Variants in ITSN2 observed in about 807,000 individuals in gnomAD.
ITSN2 encodes the protein intersectin-2.
A neutral mutation model predicts 243.7 loss-of-function variants in ITSN2; 156 were observed. That is an observed-to-expected ratio of 0.64 (90% CI 0.56 to 0.73). ITSN2 has a LOEUF of 0.73. Among genes scored for constraint, ITSN2 ranks in the 30% least tolerant of loss-of-function variants. The probability of loss-of-function intolerance (pLI) is 0.00; values close to 1 mark genes in which losing one functional copy is unlikely to be tolerated. For missense variants in ITSN2, 1,801 were observed against 1,996.1 expected, an observed-to-expected ratio of 0.90 and a Z score of 1.86; for synonymous variants, 703 against 699.9, an observed-to-expected ratio of 1.00 and a Z score of -0.07.
In ITSN2 at chr2:24,355,910, A is replaced by T. The variant is rs577814478; in HGVS notation, c.-34+4394T>A. 4.2e-3 allele frequency among the ~76,000 whole-genome samples: 638 copies of T among 152,134 alleles called. 6 individuals are homozygous for T. The South Asian group carries it at 0.051, about 12-fold the overall frequency. ...TGAAACCCTGTCTCTATTTTTAAAAAATTACAAAAAGGCCAGGCATAGTGG... is the reference window on the plus strand; with the variant it reads ...TGAAACCCTGTCTCTATTTTTAAAATATTACAAAAAGGCCAGGCATAGTGG... On this transcript the variant is annotated intron_variant, in intron 1 of 39. Transcript: ENST00000355123.
chr2:24,264,930 C>CA (rs151096868), intron 20 of ITSN2, among the ~76,000 whole-genome samples: 31,180 of 136,880 alleles, frequency 0.23, 3,446 homozygotes, highest in Non-Finnish European at 0.28. Context: ...CAAAAAGAAA[C>CA]AAAAAAAAAA....
At chr2:24,326,804 T>C (rs1210063794) in intron 2 of ITSN2, 3 of 168,896 alleles carry the variant, frequency 1.8e-5, no homozygotes, top group South Asian at 4.1e-4. Flanking sequence ...CTCCAAGATT[T>C]TCCTAAATCC....
chr2:24,338,213 C>G (rs1686669242), intron 1 of ITSN2, among the ~76,000 whole-genome samples: 1 of 152,204 alleles, frequency 6.6e-6, no homozygotes, highest in Non-Finnish European at 1.5e-5. Flanking sequence ...AACCTCTTAT[C>G]AACATAACCC....
chr2:24,321,208 CTGAGGTTTT>C (rs1022422686), intron 2 of ITSN2, among the ~76,000 whole-genome samples: 4 of 152,190 alleles, frequency 2.6e-5, no homozygotes, highest in Admixed American at 6.5e-5. Context: ...CGCCAGCTCT[CTGAGGTTTT>C]TGTAAAGCTC....
chr2:24,351,403 TC>T (rs1187014520), intron 1 of ITSN2, among the ~76,000 whole-genome samples: 2 of 152,202 alleles, frequency 1.3e-5, no homozygotes, highest in Non-Finnish European at 1.5e-5. Context: ...TAGCATTCTT[TC>T]AACTGCACAG....
intron 27 of ITSN2, 138 bp downstream of exon 27, chr2:24,248,491 G>A: frequency 3.4e-6 from 2 of 589,114 alleles, no homozygotes; most frequent in Non-Finnish European, 5.7e-6. Flanking sequence ...GAAATATAAT[G>A]CAGTAAAATA....
intron 32 of ITSN2, among the ~76,000 whole-genome samples, chr2:24,213,056 T>G (rs1179160305): frequency 6.6e-6 from 1 of 152,166 alleles, no homozygotes. Context: ...ACAGTAGGAA[T>G]ATCTCAGCTC....
chr2:24,254,464 C>T, intron 23 of ITSN2, 33 bp from the exon 24 acceptor site: 1 of 1,532,338 alleles, frequency 6.5e-7, no homozygotes, highest in Non-Finnish European at 9.0e-7. Context: ...AACAAACAAA[C>T]AAACAAATAC....
At chr2:24,338,987 T>C (rs959385197) in intron 1 of ITSN2, among the ~76,000 whole-genome samples, 2 of 152,084 alleles carry the variant, frequency 1.3e-5, no homozygotes, top group Non-Finnish European at 2.9e-5. Context: ...GCAAACTGAG[T>C]GAACTCCAAG....
chr2:24,261,701 AC>A lies in ITSN2; in HGVS notation c.2396del (p.Gly799ValfsTer15). 1 of 1,613,642 alleles carries A rather than the reference AC, an allele frequency of 6.2e-7. No individual in the cohort carries two copies. The highest frequency in any genetic ancestry group is 8.5e-7 in the Non-Finnish European group (1 of 1,179,750). On this transcript the variant is annotated frameshift_variant, in exon 21 of 40. Transcript: ENST00000355123. LOFTEE classifies it high-confidence loss of function. ...KTVGEPGWLY[G>X]SFQGNFGWFP... ...ACCAGCCAAAATTTCCTTGAAAACT[AC>A]CATAAAGCCAACCAGGTTCTCCTAC...
At chr2:24,315,976 A>G (rs1683869950) in intron 2 of ITSN2, among the ~76,000 whole-genome samples, 1 of 152,222 alleles carries the variant, frequency 6.6e-6, no homozygotes, top group Non-Finnish European at 1.5e-5. Context: ...ATTCTGAGTT[A>G]GAAGCACCAA....
At chr2:24,264,388 C>CAA (rs567618875) in intron 20 of ITSN2, among the ~76,000 whole-genome samples, 17 of 124,948 alleles carry the variant, frequency 1.4e-4, no homozygotes, top group East Asian at 6.9e-4. Flanking sequence ...AACTCTGTCT[C>CAA]AAAAAAAAAA....
intron 20 of ITSN2, among the ~76,000 whole-genome samples, chr2:24,266,955 A>G (rs541445861): frequency 6.6e-6 from 1 of 151,976 alleles, no homozygotes; most frequent in East Asian, 1.9e-4. Flanking sequence ...ATAAATAAAT[A>G]AAATAAAATA....
chr2:24,272,641 G>A (rs988765878), intron 18 of ITSN2, among the ~76,000 whole-genome samples: 4 of 151,908 alleles, frequency 2.6e-5, no homozygotes, highest in African/African-American at 9.7e-5. Context: ...TTGCTATGTT[G>A]CCCAGTCTGG....
At chr2:24,207,488 G>A (rs184591043) in intron 37 of ITSN2, among the ~76,000 whole-genome samples, 33 of 152,252 alleles carry the variant, frequency 2.2e-4, no homozygotes, top group African/African-American at 7.2e-4. Flanking sequence ...GTTCAGAGGC[G>A]CGGGCTTGGG....
chr2:24,349,901 G>C (rs1271436565), intron 1 of ITSN2, among the ~76,000 whole-genome samples: 1 of 152,186 alleles, frequency 6.6e-6, no homozygotes, highest in Non-Finnish European at 1.5e-5. Context: ...TGGAACCACA[G>C]CCAATTTGAG....
At chr2:24,297,508 G>C (rs979328420) in intron 13 of ITSN2, among the ~76,000 whole-genome samples, 7 of 152,222 alleles carry the variant, frequency 4.6e-5, no homozygotes, top group South Asian at 4.1e-4. Context: ...GATCATTTAG[G>C]TCAGCAGTTT....
Position 24,337,343 on chromosome 2 carries a change from T to C in ITSN2, c.-33-9228A>G, listed in dbSNP as rs1308290085. On this transcript the variant is annotated intron_variant, in intron 1 of 39. Coordinates refer to ENST00000355123, the MANE Select transcript of ITSN2 (RefSeq NM_006277.3). ...ATATATATATATATATATATATATA[T>C]ATATATATATGTAATTTTTTTTTTT... 1.1e-3 allele frequency among the ~76,000 whole-genome samples: 136 copies of C among 119,502 alleles called. 10 individuals carry two copies. Among genetic ancestry groups the C allele is most frequent in the Non-Finnish European group, 1.9e-3 (111 of 57,376 alleles). The allele number at this position is 119,502 out of a possible 152,430, so 78.4% of individuals were successfully genotyped here.
Position 24,209,818 on chromosome 2 carries a change from C to T in ITSN2, c.4473G>A (p.Thr1491=), listed in dbSNP as rs768842538. 2.7e-5 allele frequency: 43 copies of T among 1,612,706 alleles called. No individual in the cohort carries two copies. In the South Asian group the frequency reaches 4.0e-4, roughly 15 times the overall value. Residue 1491 remains threonine, a splice_region_variant and synonymous_variant, in exon 35 of 40, where the codon ACG becomes ACA. Coordinates refer to ENST00000355123, the MANE Select transcript of ITSN2 (RefSeq NM_006277.3). ...CTACCCCCAGACGCGTGATACTCACCGTTTTATACATTTTGAATTGAGCAT... is the reference window on the plus strand; with the variant it reads ...CTACCCCCAGACGCGTGATACTCACTGTTTTATACATTTTGAATTGAGCAT... ...KSNAQFKMYK[T]PIFLNEVLVK... is the part of the protein sequence containing the mutation.
Sources: allele counts gnomAD v4.1 joint callset (sites outside exome capture counted in the v4.1 genomes callset), GRCh38; gene constraint gnomAD v4.1.1; transcripts MANE v1.5; gene names NCBI Gene and HGNC (gene_info 2026-07-23, HGNC 2026-07-21).